PI4KA: variants seen among roughly 807,000 people sequenced by gnomAD.
The protein encoded by PI4KA is PI4-kinase alpha.
PI4KA carries 122 observed loss-of-function variants against 271.4 expected under a neutral mutation model. The ratio of observed to expected loss-of-function variants is 0.45; its 90% CI spans 0.39 to 0.52. The LOEUF is 0.52. Among genes scored for constraint, PI4KA ranks in the 20% least tolerant of loss-of-function variants. The probability of loss-of-function intolerance (pLI) is 0.00; values close to 1 mark genes in which losing one functional copy is unlikely to be tolerated. For synonymous variants in PI4KA, 1,041 were observed against 1,078.8 expected, an observed-to-expected ratio of 0.96 and a Z score of 0.69; for missense variants, 1,969 against 2,769.1, an observed-to-expected ratio of 0.71 and a Z score of 6.48.
chr22:20,724,085 G>A (rs551251908), intron 42 of PI4KA, among the ~76,000 whole-genome samples: 44 of 151,844 alleles, frequency 2.9e-4, no homozygotes, highest in Non-Finnish European at 5.6e-4. Context: ...TGATCCGCCC[G>A]CCTCAGCCTC....
rs1029340296 is a variant in PI4KA, at chr22:20,796,327, G to T, written c.2109-13C>A. The T allele has an allele frequency of 3.7e-6, 6 of 1,609,188 alleles. No individual in the cohort carries two copies. Among genetic ancestry groups the T allele is most frequent in the Non-Finnish European group, 5.1e-6 (6 of 1,177,296 alleles). On this transcript the variant is annotated splice_polypyrimidine_tract_variant and intron_variant, in intron 17 of 54. Coordinates refer to ENST00000255882, the MANE Select transcript of PI4KA (RefSeq NM_058004.4). ...CAGGGAGCAATGCCTGAAGAAGAAG[G>T]AGTGAAATAACAGCCACTGCCAGGC...
intron 13 of PI4KA, among the ~76,000 whole-genome samples, 198 bp downstream of exon 13, chr22:20,802,993 T>C (rs563567454): frequency 5.9e-5 from 9 of 151,992 alleles, no homozygotes; most frequent in Non-Finnish European, 1.0e-4. Flanking sequence ...TGAAGGGGCC[T>C]TTGGTGTAAC....
At chr22:20,756,162 G>A (rs1931271454) in intron 23 of PI4KA, among the ~76,000 whole-genome samples, 1 of 152,014 alleles carries the variant, frequency 6.6e-6, no homozygotes, top group South Asian at 2.1e-4. Flanking sequence ...AGGCTGGGTT[G>A]GGTGGGTGAA....
intron 13 of PI4KA, among the ~76,000 whole-genome samples, chr22:20,802,543 T>G (rs1208950501): frequency 6.6e-6 from 1 of 152,174 alleles, no homozygotes; most frequent in Non-Finnish European, 1.5e-5. Context: ...TCTTGTTTTT[T>G]GTTTGTTTTT....
At chr22:20,780,091 C>G (rs76882693) in intron 19 of PI4KA, 1 of 1,614,034 alleles carries the variant, frequency 6.2e-7, no homozygotes, top group Non-Finnish European at 8.5e-7. Context: ...GCCTTCATAT[C>G]AAAAACCAAC....
At chr22:20,770,633 A>G (rs997092243) in intron 19 of PI4KA, among the ~76,000 whole-genome samples, 2 of 123,016 alleles carry the variant, frequency 1.6e-5, no homozygotes, top group African/African-American at 6.0e-5. Flanking sequence ...CACACACACA[A>G]GCTGGACACA....
intron 3 of PI4KA, among the ~76,000 whole-genome samples, chr22:20,830,621 A>G (rs1282821249): frequency 6.6e-6 from 1 of 152,100 alleles, no homozygotes; most frequent in East Asian, 1.9e-4. Context: ...TGTCTTTTAA[A>G]GGGATATTTA....
chr22:20,713,764 T>C (rs1164302010), intron 47 of PI4KA, among the ~76,000 whole-genome samples: 1 of 152,168 alleles, frequency 6.6e-6, no homozygotes, highest in Non-Finnish European at 1.5e-5. Flanking sequence ...GACATGGCCA[T>C]GGGAGGCAGG....
Position 20,765,564 on chromosome 22 carries a change from GGA to G in PI4KA, c.2437+19_2437+20del. 2 of 1,487,080 alleles carry G rather than the reference GGA, an allele frequency of 1.3e-6. No individual in the cohort carries two copies. Among genetic ancestry groups the G allele is most frequent in the Non-Finnish European group, 9.4e-7 (1 of 1,065,662 alleles). The allele number at this position is 1,487,080 out of a possible 1,614,324, so 92.1% of individuals were successfully genotyped here. The stretch of plus-strand genomic sequence containing the variant: ...TTCACTCTGCACTCCGTCTTCACTG[GGA>G]GAGAGATGATCCCCCTACCTGAGCC... On this transcript the variant is annotated intron_variant, in intron 20 of 54. Coordinates refer to ENST00000255882, the MANE Select transcript of PI4KA (RefSeq NM_058004.4).
chr22:20,839,813 C>T (rs559452244), intron 1 of PI4KA, among the ~76,000 whole-genome samples: 5 of 145,310 alleles, frequency 3.4e-5, no homozygotes, highest in Admixed American at 2.8e-4. Flanking sequence ...GCCTGGGCGA[C>T]AGAGCAAGAC....
intron 43 of PI4KA, among the ~76,000 whole-genome samples, chr22:20,719,476 T>G (rs552290147): frequency 6.6e-6 from 1 of 152,234 alleles, no homozygotes; most frequent in African/African-American, 2.4e-5. Flanking sequence ...CGAAGCACTC[T>G]TGCCGCATCT....
chr22:20,858,443 G>A, intron 1 of PI4KA, 127 bp downstream of exon 1: 1 of 619,226 alleles, frequency 1.6e-6, no homozygotes, highest in Non-Finnish European at 2.4e-6. Flanking sequence ...CTCCGCTCAG[G>A]CGCCCCCTCC....
rs361795 is a variant in PI4KA, at chr22:20,812,012, CAAAAAAAA to C, written c.1006-988_1006-981del. Among the ~76,000 whole-genome samples, 239 of 77,474 alleles carry C rather than the reference CAAAAAAAA, an allele frequency of 3.1e-3. 2 individuals carry two copies. Among genetic ancestry groups the C allele is most frequent in the African/African-American group, 0.011 (225 of 20,020 alleles). The allele number at this position is 77,474 out of a possible 152,430, so 50.8% of individuals were successfully genotyped here. On this transcript the variant is annotated intron_variant, in intron 8 of 54. Transcript: ENST00000255882. The stretch of plus-strand genomic sequence containing the variant: ...TGGGCGACAGGGCGAGACTCCATCT[CAAAAAAAA>C]AAAAAAAAAAAAGAAAACCTAAACT...
chr22:20,729,441 G>A lies in PI4KA; in HGVS notation c.4554C>T (p.Asp1518=). The A allele has an allele frequency of 1.2e-6, 2 of 1,612,658 alleles. No individual in the cohort carries two copies. Among genetic ancestry groups the A allele is most frequent in the South Asian group, 2.2e-5 (2 of 90,788 alleles). The part of the protein sequence containing the change: ...NPLSAPELEL[D]QAGENSVANW... Reference sequence around the variant, plus strand: ...TGGCCACGCTGTTCTCTCCGGCCTGGTCTAGTTCCAGTTCCGGGGCTGACA... The same window carrying A: ...TGGCCACGCTGTTCTCTCCGGCCTGATCTAGTTCCAGTTCCGGGGCTGACA... Residue 1518 remains aspartate, a synonymous_variant, in exon 39 of 55, where the codon GAC becomes GAT. Transcript: ENST00000255882.
chr22:20,836,489 AG>A (rs1924886124), intron 2 of PI4KA, among the ~76,000 whole-genome samples: 1 of 152,208 alleles, frequency 6.6e-6, no homozygotes, highest in African/African-American at 2.4e-5. Flanking sequence ...CCTCCTGCAG[AG>A]GAAGTGGCTC....
chr22:20,766,020 G>A (rs1391311305), intron 19 of PI4KA, among the ~76,000 whole-genome samples: 2 of 152,176 alleles, frequency 1.3e-5, no homozygotes, highest in Admixed American at 1.3e-4. Context: ...ATGGGTCTCA[G>A]AGTTAACATT....
intron 42 of PI4KA, chr22:20,721,803 C>T (rs767734406): frequency 5.1e-6 from 1 of 196,550 alleles, no homozygotes; most frequent in Non-Finnish European, 1.1e-5. Context: ...AAGTGACAGA[C>T]AGGTTCCAGA....
chr22:20,786,142 C>A, intron 19 of PI4KA: 1 of 1,614,066 alleles, frequency 6.2e-7, no homozygotes, highest in Non-Finnish European at 8.5e-7. Flanking sequence ...GGATCGCCAT[C>A]GACCTGGTAA....
chr22:20,797,403 C>A (rs1295892236), intron 17 of PI4KA, among the ~76,000 whole-genome samples: 1 of 152,054 alleles, frequency 6.6e-6, no homozygotes, highest in Non-Finnish European at 1.5e-5. Flanking sequence ...GGCGAGGCAG[C>A]TGGGGACACT....
Sources: allele counts gnomAD v4.1 joint callset (sites outside exome capture counted in the v4.1 genomes callset), GRCh38; gene constraint gnomAD v4.1.1; transcripts MANE v1.5; gene names NCBI Gene and HGNC (gene_info 2026-07-23, HGNC 2026-07-21).